The following LRRC4C variants were observed in gnomAD, a reference collection of about 807,000 sequenced individuals.
LRRC4C encodes leucine rich repeat containing 4C, also known as leucine-rich repeat-containing protein 4C.
Under a neutral mutation model 33.6 loss-of-function variants are expected in LRRC4C, and 5 were observed. The observed-to-expected ratio is 0.15, with a 90% confidence interval of 0.08 to 0.31. The LOEUF (loss-of-function observed/expected upper bound fraction) is 0.31, where lower values mean the gene tolerates loss of function less well. Among genes scored for constraint, LRRC4C ranks in the 10% least tolerant of loss-of-function variants. The pLI is 1.00. For synonymous variants in LRRC4C, 329 were observed against 302.0 expected (o/e 1.09, Z -0.93); for missense variants, 560 against 796.7 (o/e 0.70, Z 3.58).
intron 1 of LRRC4C, among the ~76,000 whole-genome samples, chr11:41,152,479 T>G (rs1186794494): frequency 6.6e-6 from 1 of 152,178 alleles, no homozygotes; most frequent in African/African-American, 2.4e-5. Flanking sequence ...GAGATTCAAC[T>G]ATTGAATCAG....
chr11:40,905,340 C>T (rs907823120), intron 2 of LRRC4C, among the ~76,000 whole-genome samples: 2 of 151,938 alleles, frequency 1.3e-5, no homozygotes, highest in Non-Finnish European at 2.9e-5. Context: ...ACCCTTATCC[C>T]AGAATATCCC....
intron 4 of LRRC4C, among the ~76,000 whole-genome samples, chr11:40,304,562 C>T (rs998161837): frequency 1.3e-4 from 20 of 152,114 alleles, no homozygotes; most frequent in Non-Finnish European, 2.9e-4. Context: ...GTATCTTTAA[C>T]TTCTTCTCTA....
intron 2 of LRRC4C, among the ~76,000 whole-genome samples, chr11:40,669,957 C>T (rs1239543686): frequency 6.6e-6 from 1 of 152,144 alleles, no homozygotes; most frequent in Non-Finnish European, 1.5e-5. Flanking sequence ...CTTTACCAAA[C>T]AACCACATAA....
rs17388167 is a variant in LRRC4C, at chr11:40,251,002, T to C, written c.-175-9404A>G. Among the ~76,000 whole-genome samples the C allele has an allele frequency of 5.5e-3, 839 of 152,284 alleles. 1 individual carries two copies. Among genetic ancestry groups the C allele is most frequent in the Non-Finnish European group, 8.6e-3 (585 of 68,022 alleles). ...AAAATGAGATAGAATTGTCTTTTCA[T>C]GTTTAGGTAGTTTTAAATCCGTGAA... On this transcript the variant is annotated intron_variant, in intron 4 of 6. Transcript: ENST00000528697.
At chr11:40,881,480 T>A (rs1214519727) in intron 2 of LRRC4C, among the ~76,000 whole-genome samples, 1 of 152,132 alleles carries the variant, frequency 6.6e-6, no homozygotes, top group Admixed American at 6.6e-5. Flanking sequence ...GATTGTCACA[T>A]GGTCTTCCCT....
intron 5 of LRRC4C, among the ~76,000 whole-genome samples, chr11:40,179,095 C>T (rs1241561788): frequency 6.6e-6 from 1 of 151,680 alleles, no homozygotes; most frequent in Non-Finnish European, 1.5e-5. Context: ...ACCTTGAGCT[C>T]CTGGGCTCCA....
At chr11:41,287,981 C>T (rs1355595788) in intron 1 of LRRC4C, among the ~76,000 whole-genome samples, 3 of 152,144 alleles carry the variant, frequency 2.0e-5, no homozygotes, top group African/African-American at 7.2e-5. Flanking sequence ...GAGAGGTCTG[C>T]ACCAGATGTG....
chr11:41,055,298 T>A (rs964036542), intron 1 of LRRC4C, among the ~76,000 whole-genome samples: 10 of 152,194 alleles, frequency 6.6e-5, no homozygotes, highest in Non-Finnish European at 1.5e-4. Flanking sequence ...ATTGTTTAAA[T>A]ACAGCATAAC....
chr11:41,389,049 T>A (rs1288574662), intron 1 of LRRC4C, among the ~76,000 whole-genome samples: 1 of 151,718 alleles, frequency 6.6e-6, no homozygotes, highest in African/African-American at 2.4e-5. Context: ...CATGGTATTT[T>A]AAAAAGAAAA....
At chr11:41,049,932 G>A (rs949835407) in intron 1 of LRRC4C, among the ~76,000 whole-genome samples, 2 of 152,130 alleles carry the variant, frequency 1.3e-5, no homozygotes, top group East Asian at 3.8e-4. Context: ...AAACAATAGT[G>A]TAATGAATAA....
intron 1 of LRRC4C, among the ~76,000 whole-genome samples, chr11:41,252,824 T>G (rs1948684426): frequency 2.6e-5 from 4 of 152,034 alleles, no homozygotes; most frequent in Admixed American, 2.6e-4. Flanking sequence ...CAAGAGAGCT[T>G]GCACAGGGGA....
At chr11:41,172,314 C>T (rs1459038734) in intron 1 of LRRC4C, among the ~76,000 whole-genome samples, 2 of 150,764 alleles carry the variant, frequency 1.3e-5, no homozygotes, top group Non-Finnish European at 2.9e-5. Context: ...CTTAGAAGCC[C>T]ATAAAATATT....
chr11:40,668,606 T>C (rs2136256442), intron 2 of LRRC4C, among the ~76,000 whole-genome samples: 1 of 152,334 alleles, frequency 6.6e-6, no homozygotes, highest in East Asian at 1.9e-4. Context: ...TTTTTCATAC[T>C]GATACCTGAG....
intron 1 of LRRC4C, among the ~76,000 whole-genome samples, chr11:41,272,688 T>C (rs1321957671): frequency 1.3e-5 from 2 of 152,192 alleles, no homozygotes. Flanking sequence ...AGCTTGTCGC[T>C]TGAGAAAATA....
chr11:41,273,097 C>G (rs575866623), intron 1 of LRRC4C, among the ~76,000 whole-genome samples: 69 of 152,162 alleles, frequency 4.5e-4, no homozygotes, highest in Middle Eastern at 3.4e-3. Context: ...CTAGAAAATG[C>G]AATGCCAGAC....
At chr11:40,720,622 T>C (rs1946963250) in intron 2 of LRRC4C, among the ~76,000 whole-genome samples, 1 of 152,156 alleles carries the variant, frequency 6.6e-6, no homozygotes, top group African/African-American at 2.4e-5. Context: ...GTCTTCACCT[T>C]CCAGGTAGCT....
At chr11:40,200,726 A>C (rs1168901692) in intron 5 of LRRC4C, among the ~76,000 whole-genome samples, 1 of 129,422 alleles carries the variant, frequency 7.7e-6, no homozygotes. Flanking sequence ...AGGTCATGCC[A>C]CTGCACCCCA....
At chr11:40,353,173 T>G (rs550114127) in intron 3 of LRRC4C, among the ~76,000 whole-genome samples, 15 of 152,312 alleles carry the variant, frequency 9.8e-5, no homozygotes, top group Admixed American at 7.8e-4. Flanking sequence ...TCTACCCCAG[T>G]CTTTCTCTCT....
chr11:40,643,978 A>T (rs1390056255), intron 3 of LRRC4C, among the ~76,000 whole-genome samples: 1 of 152,168 alleles, frequency 6.6e-6, no homozygotes, highest in Admixed American at 6.5e-5. Flanking sequence ...ACAATCAGGG[A>T]GATTTAAAAT....
Sources: allele counts gnomAD v4.1 joint callset (sites outside exome capture counted in the v4.1 genomes callset), GRCh38; gene constraint gnomAD v4.1.1; transcripts MANE v1.5; gene names NCBI Gene and HGNC (gene_info 2026-07-23, HGNC 2026-07-21).